Variants in PIP5K1C observed in about 807,000 individuals in gnomAD.
The protein encoded by PIP5K1C is phosphatidylinositol-4-phosphate 5-kinase type 1 gamma.
PIP5K1C carries 45 observed loss-of-function variants against 80.1 expected under a neutral mutation model. That is an observed-to-expected ratio of 0.56 (90% CI 0.44 to 0.72). The LOEUF is 0.72. PIP5K1C is among the 30% of genes least tolerant of loss of function. PIP5K1C has a pLI of 0.00. For synonymous variants in PIP5K1C, 498 were observed against 420.1 expected (o/e 1.19, Z -2.27); for missense variants, 753 against 954.6 (o/e 0.79, Z 2.78).
intron 1 of PIP5K1C, among the ~76,000 whole-genome samples, chr19:3,670,136 G>A (rs948311258): frequency 1.3e-5 from 2 of 151,742 alleles, no homozygotes; most frequent in Admixed American, 6.6e-5. Flanking sequence ...GCCTCTGCAG[G>A]CGGCAGGTGG....
At chr19:3,664,426 TG>T (rs1312893455) in intron 3 of PIP5K1C, among the ~76,000 whole-genome samples, 1 of 151,716 alleles carries the variant, frequency 6.6e-6, no homozygotes, top group East Asian at 1.9e-4. Flanking sequence ...GGGAACAGAG[TG>T]GGGGTCAGGC....
chr19:3,647,741 G>A (rs2034290113), intron 9 of PIP5K1C, among the ~76,000 whole-genome samples: 1 of 152,232 alleles, frequency 6.6e-6, no homozygotes, highest in Non-Finnish European at 1.5e-5. Flanking sequence ...GAGATCAGGA[G>A]TTCAAGACCA....
chr19:3,658,502 G>A (rs951030819), intron 5 of PIP5K1C, among the ~76,000 whole-genome samples: 5 of 152,204 alleles, frequency 3.3e-5, no homozygotes, highest in African/African-American at 4.8e-5. Flanking sequence ...ACGGCAGGAC[G>A]CCCTCCAGCC....
intron 1 of PIP5K1C, among the ~76,000 whole-genome samples, chr19:3,677,753 A>ATGGT (rs2035409083): frequency 1.2e-5 from 1 of 81,524 alleles, no homozygotes; most frequent in Non-Finnish European, 2.5e-5. Context: ...GGATGGAGGG[A>ATGGT]GGGATGGAGG....
intron 1 of PIP5K1C, among the ~76,000 whole-genome samples, chr19:3,675,515 G>C (rs576544301): frequency 6.6e-6 from 1 of 152,212 alleles, no homozygotes; most frequent in Admixed American, 6.5e-5. Flanking sequence ...CAAGGCTTTT[G>C]TGAAACGCAG....
intron 1 of PIP5K1C, among the ~76,000 whole-genome samples, chr19:3,671,521 G>A (rs888152707): frequency 6.6e-6 from 1 of 152,244 alleles, no homozygotes; most frequent in Non-Finnish European, 1.5e-5. Flanking sequence ...TGCTGGGAAC[G>A]TCCCTGCACT....
Position 3,688,959 on chromosome 19 carries a change from G to T in PIP5K1C, c.94+11338C>A, listed in dbSNP as rs146862903. Among the ~76,000 whole-genome samples the T allele has an allele frequency of 0.059, 6,888 of 116,348 alleles. 384 individuals carry two copies. The highest frequency in any genetic ancestry group is 0.18 in the African/African-American group (5,221 of 28,316). 76.3% of individuals were successfully genotyped at this position (116,348 alleles called of 152,430 possible). ...AGTGCCCGGGATGGGGCTGGGGGGT[G>T]GGGGGGGCTTGGCGCACGCGGCCTA... On this transcript the variant is annotated intron_variant, in intron 1 of 17. Transcript: ENST00000335312. This position sits in a 1 kb window ranked among gnomAD's most constrained non-coding sequence, Gnocchi z 5.3.
rs183981116 is a variant in PIP5K1C at position 3,633,803 on chromosome 19, C to T, written c.1921-283G>A. Among the ~76,000 whole-genome samples, 195 of 152,146 alleles carry T rather than the reference C, an allele frequency of 1.3e-3. 1 individual carries two copies. In the East Asian group the frequency reaches 0.016, roughly 12 times the overall value. ...GGCCTGAGATAGCAGGTGACAGAGCCGGCGGAAGCGGGTGGGGGTCGCGAC... is the reference window on the plus strand; with the variant it reads ...GGCCTGAGATAGCAGGTGACAGAGCTGGCGGAAGCGGGTGGGGGTCGCGAC... On this transcript the variant is annotated intron_variant, in intron 16 of 17. Transcript: ENST00000335312.
intron 5 of PIP5K1C, among the ~76,000 whole-genome samples, chr19:3,657,660 A>T (rs959234960): frequency 1.3e-5 from 2 of 151,938 alleles, no homozygotes; most frequent in African/African-American, 4.8e-5. Flanking sequence ...ACGGCGGCTC[A>T]CCCAGCACTC....
intron 1 of PIP5K1C, among the ~76,000 whole-genome samples, chr19:3,684,427 T>C (rs939011854): frequency 2.6e-5 from 4 of 152,098 alleles, no homozygotes; most frequent in Admixed American, 2.6e-4. Flanking sequence ...CTTTGGCCAA[T>C]CACATGATGC....
intron 1 of PIP5K1C, among the ~76,000 whole-genome samples, chr19:3,680,080 A>G (rs2035538464): frequency 6.6e-6 from 1 of 152,196 alleles, no homozygotes; most frequent in African/African-American, 2.4e-5. Context: ...AGCCTGGAAC[A>G]ATGGCCCTGA....
intron 1 of PIP5K1C, among the ~76,000 whole-genome samples, chr19:3,670,342 G>A (rs1270944032): frequency 6.6e-6 from 1 of 152,108 alleles, no homozygotes; most frequent in Admixed American, 6.5e-5. Flanking sequence ...AGTGGGGTGG[G>A]CCCTGGATCC....
intron 1 of PIP5K1C, among the ~76,000 whole-genome samples, chr19:3,683,681 G>C (rs931690384): frequency 2.0e-5 from 3 of 152,174 alleles, no homozygotes; most frequent in Non-Finnish European, 4.4e-5. Flanking sequence ...CCCAGTCTGC[G>C]TCACCACAGC....
Position 3,638,038 on chromosome 19 carries a change from G to A in PIP5K1C, c.1920+846C>T, listed in dbSNP as rs773165777. ...ACAGAGCAGGGGAGTTAGTTATGAA[G>A]CAGCGAGGAGGTGCCCCCACAACAG... On this transcript the variant is annotated intron_variant, in intron 16 of 17. Coordinates refer to ENST00000335312, the MANE Select transcript of PIP5K1C (RefSeq NM_012398.3). The A allele has an allele frequency of 6.8e-6, 10 of 1,478,226 alleles. No homozygotes were observed. The African/African-American group carries it at 1.4e-4, about 21-fold the overall frequency. 91.6% of individuals were successfully genotyped at this position (1,478,226 alleles called of 1,614,324 possible).
chr19:3,647,460 T>A, intron 9 of PIP5K1C, 74 bp from the exon 10 acceptor site: 1 of 1,262,952 alleles, frequency 7.9e-7, no homozygotes, highest in Non-Finnish European at 1.1e-6. Flanking sequence ...CAGGGGCCAC[T>A]GTGCACCCCC....
intron 1 of PIP5K1C, among the ~76,000 whole-genome samples, chr19:3,691,204 T>C (rs1012960340): frequency 3.4e-4 from 52 of 152,350 alleles, no homozygotes; most frequent in African/African-American, 1.3e-3. Flanking sequence ...AGAAGTCGCC[T>C]TGCACCCATA....
chr19:3,665,795 G>A (rs1189622823), intron 2 of PIP5K1C, among the ~76,000 whole-genome samples: 1 of 152,074 alleles, frequency 6.6e-6, no homozygotes, highest in African/African-American at 2.4e-5. Flanking sequence ...GAGGGGCCTT[G>A]GGAGCCTGAA....
chr19:3,638,745 A>C, intron 16 of PIP5K1C, 139 bp downstream of exon 16: 1 of 1,094,230 alleles, frequency 9.1e-7, no homozygotes, highest in Non-Finnish European at 1.4e-6. Flanking sequence ...CTGGCTGGTG[A>C]GAGAGCATGT....
chr19:3,664,675 G>T, intron 3 of PIP5K1C, 147 bp downstream of exon 3: 1 of 760,880 alleles, frequency 1.3e-6, no homozygotes. Flanking sequence ...GAGGACTCCA[G>T]CCTCTGCCTC....
Sources: gnomAD v4.1 joint callset for allele counts (sites outside exome capture counted in the v4.1 genomes callset) on GRCh38, gnomAD v4.1.1 for gene constraint, Gnocchi (gnomAD v3.1) non-coding constraint, MANE v1.5 for transcripts, NCBI Gene and HGNC (gene_info 2026-07-23, HGNC 2026-07-21) for gene names.